The following ZNF804A variants were observed in gnomAD, a reference collection of about 807,000 sequenced individuals.
The protein encoded by ZNF804A is zinc finger protein 804A.
A neutral mutation model predicts 16.5 loss-of-function variants in ZNF804A; 2 were observed. That is an observed-to-expected ratio of 0.12 (90% CI 0.05 to 0.38). The LOEUF is 0.38. Among genes scored for constraint, ZNF804A ranks in the 10% least tolerant of loss-of-function variants. ZNF804A has a pLI of 0.99. For synonymous variants in ZNF804A, 534 were observed against 489.6 expected (o/e 1.09, Z -1.20); for missense variants, 1,473 against 1,390.7 (o/e 1.06, Z -0.94).
chr2:184,787,425 C>T (rs935175922), intron 1 of ZNF804A, among the ~76,000 whole-genome samples: 6 of 151,702 alleles, frequency 4.0e-5, no homozygotes, highest in Non-Finnish European at 7.4e-5. Flanking sequence ...GTTTGAGATA[C>T]CTCCATATTG....
intron 1 of ZNF804A, among the ~76,000 whole-genome samples, chr2:184,674,885 A>G (rs1287719840): frequency 6.6e-6 from 1 of 151,898 alleles, no homozygotes; most frequent in Non-Finnish European, 1.5e-5. Context: ...ATAATAAAGA[A>G]AAAGAAACAG....
At chr2:184,765,331 A>G (rs985467266) in intron 1 of ZNF804A, among the ~76,000 whole-genome samples, 2 of 152,274 alleles carry the variant, frequency 1.3e-5, no homozygotes, top group East Asian at 3.9e-4. Context: ...CTGTCGTCTT[A>G]TGCCCAATTT....
At chr2:184,817,031 G>T (rs985734068) in intron 1 of ZNF804A, among the ~76,000 whole-genome samples, 2 of 151,896 alleles carry the variant, frequency 1.3e-5, no homozygotes, top group South Asian at 4.1e-4. Context: ...TTAAAAGAGG[G>T]CAGTATTAAC....
intron 1 of ZNF804A, among the ~76,000 whole-genome samples, chr2:184,649,960 T>C (rs1302184114): frequency 6.6e-6 from 1 of 151,850 alleles, no homozygotes; most frequent in Admixed American, 6.6e-5. Flanking sequence ...ACTAATTCTA[T>C]AAATCCAGCA....
chr2:184,829,907 AAAAAAAAAAAAAAAACAAAAAC>A (rs1558974883), intron 1 of ZNF804A, among the ~76,000 whole-genome samples: 1 of 107,426 alleles, frequency 9.3e-6, no homozygotes, highest in African/African-American at 6.4e-5. Context: ...ACCAAAAAAA[AAAAAAAAAAAAAAAACAAAAAC>A]AAAAAAAAAA....
chr2:184,874,597 T>C (rs1696024339), intron 2 of ZNF804A, among the ~76,000 whole-genome samples: 1 of 152,138 alleles, frequency 6.6e-6, no homozygotes, highest in Non-Finnish European at 1.5e-5. Context: ...TTAAAATATC[T>C]CCCCTGTTCA....
At chr2:184,870,766 T>C (rs1194396492) in intron 2 of ZNF804A, among the ~76,000 whole-genome samples, 1 of 151,988 alleles carries the variant, frequency 6.6e-6, no homozygotes. Context: ...ATTTATGGAT[T>C]TAAACTTAGA....
intron 1 of ZNF804A, among the ~76,000 whole-genome samples, chr2:184,813,093 G>A (rs546128147): frequency 6.6e-6 from 1 of 152,226 alleles, no homozygotes; most frequent in South Asian, 2.1e-4. Flanking sequence ...AGTCGGCTTT[G>A]AGTGGAGTTG....
intron 1 of ZNF804A, among the ~76,000 whole-genome samples, chr2:184,635,855 AATG>A (rs1691687140): frequency 1.3e-5 from 2 of 152,172 alleles, no homozygotes; most frequent in African/African-American, 4.8e-5. Context: ...GTTGATAGAT[AATG>A]ATATGTTAAG....
At chr2:184,896,916 C>A (rs1685078561) in intron 2 of ZNF804A, among the ~76,000 whole-genome samples, 1 of 151,950 alleles carries the variant, frequency 6.6e-6, no homozygotes, top group South Asian at 2.1e-4. Flanking sequence ...TACATTTTAT[C>A]TTAAGTTTAT....
At chr2:184,785,390 G>C (rs377395302) in intron 1 of ZNF804A, among the ~76,000 whole-genome samples, 1 of 151,928 alleles carries the variant, frequency 6.6e-6, no homozygotes, top group Non-Finnish European at 1.5e-5. Flanking sequence ...CCAACCACAC[G>C]TTTGGATAGT....
intron 2 of ZNF804A, among the ~76,000 whole-genome samples, chr2:184,876,243 C>A (rs1309663033): frequency 6.6e-6 from 1 of 152,170 alleles, no homozygotes; most frequent in East Asian, 1.9e-4. Context: ...GTTTAGTGAT[C>A]TGACACTTAA....
intron 1 of ZNF804A, among the ~76,000 whole-genome samples, chr2:184,794,257 G>A (rs1694596241): frequency 6.6e-6 from 1 of 151,460 alleles, no homozygotes; most frequent in Non-Finnish European, 1.5e-5. Flanking sequence ...TTTTTATTAT[G>A]TCCATCCTTA....
intron 2 of ZNF804A, among the ~76,000 whole-genome samples, chr2:184,903,284 A>G (rs1685215540): frequency 6.6e-6 from 1 of 152,164 alleles, no homozygotes; most frequent in African/African-American, 2.4e-5. Flanking sequence ...ACATCATGAC[A>G]GTGGACCACA....
intron 1 of ZNF804A, among the ~76,000 whole-genome samples, chr2:184,764,461 C>T (rs1489189475): frequency 6.6e-6 from 1 of 152,084 alleles, no homozygotes; most frequent in Non-Finnish European, 1.5e-5. Context: ...CCACAAAACA[C>T]ACTCTTAGGA....
chr2:184,927,088 C>T (rs552427141), intron 2 of ZNF804A, among the ~76,000 whole-genome samples: 7 of 152,108 alleles, frequency 4.6e-5, no homozygotes, highest in African/African-American at 1.7e-4. Flanking sequence ...GTCTGGTCAT[C>T]GAAGAGTTAG....
chr2:184,882,536 G>A (rs921873540), intron 2 of ZNF804A, among the ~76,000 whole-genome samples: 5 of 151,304 alleles, frequency 3.3e-5, no homozygotes, highest in Admixed American at 2.0e-4. Flanking sequence ...ACATACTCAC[G>A]ATCATATAAA....
intron 1 of ZNF804A, among the ~76,000 whole-genome samples, chr2:184,773,048 T>A (rs1247358494): frequency 3.3e-5 from 5 of 149,496 alleles, no homozygotes; most frequent in South Asian, 2.1e-4. Flanking sequence ...ATATATATAT[T>A]TTTTTAAATG....
chr2:184,737,915 G>C (rs1693655064), intron 1 of ZNF804A, among the ~76,000 whole-genome samples: 1 of 152,074 alleles, frequency 6.6e-6, no homozygotes, highest in African/African-American at 2.4e-5. Flanking sequence ...CCTGAGGTCG[G>C]GAGTTTGAGA....
Sources: gnomAD v4.1 joint callset for allele counts (sites outside exome capture counted in the v4.1 genomes callset) on GRCh38, gnomAD v4.1.1 for gene constraint, MANE v1.5 for transcripts, NCBI Gene and HGNC (gene_info 2026-07-23, HGNC 2026-07-21) for gene names.